The following GLT8D2 variants were observed in gnomAD, a reference collection of about 807,000 sequenced individuals.
GLT8D2 encodes glycosyltransferase 8 domain-containing protein 2.
GLT8D2 carries 45 observed loss-of-function variants against 44.5 expected under a neutral mutation model. That is an observed-to-expected ratio of 1.01 (90% CI 0.80 to 1.30). The LOEUF (loss-of-function observed/expected upper bound fraction) is 1.30. Among genes scored for constraint, GLT8D2 ranks in the 50% most tolerant of loss-of-function variants. GLT8D2 has a pLI of 0.00. For synonymous variants in GLT8D2, 156 were observed against 157.2 expected, an observed-to-expected ratio of 0.99 and a Z score of 0.06; for missense variants, 400 against 430.4, an observed-to-expected ratio of 0.93 and a Z score of 0.62.
intron 3 of GLT8D2, among the ~76,000 whole-genome samples, chr12:104,016,439 C>A (rs1226415222): frequency 6.6e-6 from 1 of 151,932 alleles, no homozygotes; most frequent in African/African-American, 2.4e-5. Flanking sequence ...GAGTTTGAGA[C>A]CAGCCTGGCC....
At chr12:104,033,772 A>ATG (rs200277363) in intron 1 of GLT8D2, among the ~76,000 whole-genome samples, 60 of 145,696 alleles carry the variant, frequency 4.1e-4, no homozygotes, top group African/African-American at 1.2e-3. Flanking sequence ...ATATATATAT[A>ATG]TGTGTGTGTG....
chr12:104,063,600 T>C (rs1465772545), intron 1 of GLT8D2, among the ~76,000 whole-genome samples: 3 of 152,162 alleles, frequency 2.0e-5, no homozygotes, highest in Non-Finnish European at 2.9e-5. Flanking sequence ...TATGGTATAA[T>C]GGTTGGATAT....
At chr12:104,015,393 AACACACACACACACACACAC>A (rs55732553) in intron 3 of GLT8D2, among the ~76,000 whole-genome samples, 13 of 126,184 alleles carry the variant, frequency 1.0e-4, no homozygotes, top group African/African-American at 2.3e-4. Context: ...AACAACAACA[AACACACACACACACACACAC>A]ACACACACAC....
intron 1 of GLT8D2, among the ~76,000 whole-genome samples, chr12:104,040,660 G>A (rs1037946354): frequency 3.3e-5 from 5 of 151,876 alleles, no homozygotes; most frequent in South Asian, 4.2e-4. Context: ...TCCTGACCTC[G>A]TGATCCACCC....
At chr12:104,035,687 A>G (rs938074166) in intron 1 of GLT8D2, among the ~76,000 whole-genome samples, 1 of 152,196 alleles carries the variant, frequency 6.6e-6, no homozygotes, top group Non-Finnish European at 1.5e-5. Flanking sequence ...CCAAATCTAC[A>G]TTTGATTGGT....
chr12:104,011,250 C>A lies in GLT8D2; in HGVS notation c.112+3763G>T, dbSNP rs150574346. ...AATTATCTGCTCCATTATTTGGATTCATTGTACCAACTGGTGCCTGAGCCA... is the reference window on the plus strand; with the variant it reads ...AATTATCTGCTCCATTATTTGGATTAATTGTACCAACTGGTGCCTGAGCCA... On this transcript the variant is annotated intron_variant, in intron 4 of 10. Transcript: ENST00000360814. Among the ~76,000 whole-genome samples the A allele has an allele frequency of 6.0e-3, 908 of 152,312 alleles. 10 individuals are homozygous for A. Among genetic ancestry groups the A allele is most frequent in the Non-Finnish European group, 6.8e-3 (461 of 68,032 alleles).
chr12:104,021,992 A>G lies in GLT8D2; in HGVS notation c.-163-501T>C, dbSNP rs1018188721. On this transcript the variant is annotated intron_variant, in intron 1 of 10. Transcript: ENST00000360814. ...AAGAGGAAGAGGAAGAGGAAGAAGAAGAAGAAGAAGAAGAAGAAGAAGAAG... is the reference window on the plus strand; with the variant it reads ...AAGAGGAAGAGGAAGAGGAAGAAGAGGAAGAAGAAGAAGAAGAAGAAGAAG... 1.0e-4 allele frequency among the ~76,000 whole-genome samples: 6 copies of G among 57,560 alleles called. 1 individual carries two copies. The highest frequency in any genetic ancestry group is 1.8e-4 in the African/African-American group (2 of 11,190). 37.8% of individuals were successfully genotyped at this position (57,560 alleles called of 152,430 possible). A position where few individuals can be genotyped will look rare whatever the true frequency, so the allele number is the denominator to read the frequency against.
intron 2 of GLT8D2, among the ~76,000 whole-genome samples, chr12:104,020,903 A>C (rs1265100524): frequency 2.0e-5 from 3 of 152,206 alleles, no homozygotes; most frequent in Non-Finnish European, 4.4e-5. Flanking sequence ...AGAGGTACCA[A>C]GGGGCCGGAT....
intron 3 of GLT8D2, among the ~76,000 whole-genome samples, chr12:104,016,662 GAA>G (rs139103796): frequency 0.024 from 3,220 of 131,684 alleles, 101 homozygotes; most frequent in South Asian, 0.058. Context: ...AAGAAAGAAA[GAA>G]AGAGAGAGAG....
At chr12:103,991,799 C>A (rs1352231978) in intron 10 of GLT8D2, among the ~76,000 whole-genome samples, 4 of 138,232 alleles carry the variant, frequency 2.9e-5, no homozygotes, top group Non-Finnish European at 6.1e-5. Context: ...CATACAGGAA[C>A]TCAGCCTCCA....
rs143981260 is a variant in GLT8D2, at chr12:104,015,060, A to C, written c.65T>G (p.Ile22Ser). The C allele has an allele frequency of 2.5e-6, 4 of 1,613,996 alleles. No homozygotes were observed. The South Asian group carries it at 4.4e-5, about 18-fold the overall frequency. Residue 22 changes from isoleucine (I) to serine (S), a missense_variant, in exon 4 of 11, where the codon ATT becomes AGT. Coordinates refer to ENST00000360814, the MANE Select transcript of GLT8D2 (RefSeq NM_001384711.1). ...LFLLIVTLCV[I>S]LYKKVHKGTV... is the part of the protein sequence containing the mutation. ...CCCCTTATGAACTTTCTTATACAGAATCACACAGAGGGTCACGATCAGAAG... is the reference window on the plus strand; with the variant it reads ...CCCCTTATGAACTTTCTTATACAGACTCACACAGAGGGTCACGATCAGAAG...
rs182183729 is a variant in GLT8D2, at chr12:103,998,660, G to A, written c.402+737C>T. 4.0e-3 allele frequency among the ~76,000 whole-genome samples: 607 copies of A among 152,068 alleles called. 1 individual carries two copies. Among genetic ancestry groups the A allele is most frequent in the Admixed American group, 6.8e-3 (104 of 15,262 alleles). ...CCTGACCTCACGATCCGCCTGCCTC[G>A]GCCTCCCAAAGTGTTGGGATTACAG... On this transcript the variant is annotated intron_variant, in intron 6 of 10. Transcript: ENST00000360814.
At chr12:104,058,417 G>A (rs890009224) in intron 1 of GLT8D2, among the ~76,000 whole-genome samples, 1 of 152,158 alleles carries the variant, frequency 6.6e-6, no homozygotes, top group Non-Finnish European at 1.5e-5. Flanking sequence ...TGAGTTCTCG[G>A]ATATTGCTGG....
At chr12:104,002,465 T>C (rs1006600258) in intron 5 of GLT8D2, among the ~76,000 whole-genome samples, 4 of 152,232 alleles carry the variant, frequency 2.6e-5, no homozygotes, top group Non-Finnish European at 5.9e-5. Context: ...TTTTTCATCA[T>C]TGTAAAGTTT....
intron 1 of GLT8D2, among the ~76,000 whole-genome samples, chr12:104,055,842 T>C (rs946405450): frequency 6.6e-6 from 1 of 152,220 alleles, no homozygotes; most frequent in African/African-American, 2.4e-5. Context: ...ACAAGCCTCT[T>C]TGCCACGTTT....
At chr12:104,059,792 T>G (rs1882472772) in intron 1 of GLT8D2, among the ~76,000 whole-genome samples, 1 of 152,148 alleles carries the variant, frequency 6.6e-6, no homozygotes, top group Admixed American at 6.5e-5. Context: ...AAATGATTGC[T>G]GGTTGTGCTC....
intron 10 of GLT8D2, among the ~76,000 whole-genome samples, chr12:103,992,294 G>GT (rs1872838197): frequency 6.6e-6 from 1 of 152,166 alleles, no homozygotes; most frequent in Non-Finnish European, 1.5e-5. Context: ...AAGACTTAGA[G>GT]AACTCACAGA....
intron 1 of GLT8D2, among the ~76,000 whole-genome samples, chr12:104,044,721 C>A (rs1346579845): frequency 1.3e-5 from 2 of 152,240 alleles, no homozygotes; most frequent in Non-Finnish European, 2.9e-5. Flanking sequence ...GCCTAACGGC[C>A]ATAGTAACTT....
At chr12:104,029,877 G>A (rs911313145) in intron 1 of GLT8D2, 4 of 151,860 alleles carry the variant, frequency 2.6e-5, no homozygotes, top group Non-Finnish European at 4.4e-5. Context: ...AAGTGATGGG[G>A]GTTGAAAGAA....
Sources: allele counts gnomAD v4.1 joint callset (sites outside exome capture counted in the v4.1 genomes callset), GRCh38; gene constraint gnomAD v4.1.1; transcripts MANE v1.5; gene names NCBI Gene and HGNC (gene_info 2026-07-23, HGNC 2026-07-21).